MGLL: variants seen among roughly 807,000 people sequenced by gnomAD.
The protein encoded by MGLL is lysophospholipase homolog.
MGLL carries 7 observed loss-of-function variants against 29.1 expected under a neutral mutation model. That is an observed-to-expected ratio of 0.24 (90% CI 0.14 to 0.45). The LOEUF (loss-of-function observed/expected upper bound fraction) is 0.45. MGLL is among the 20% of genes least tolerant of loss of function. The probability of loss-of-function intolerance (pLI) is 0.99; values close to 1 mark genes in which losing one functional copy is unlikely to be tolerated. For missense variants in MGLL, 356 were observed against 413.6 expected (o/e 0.86, Z 1.21); for synonymous variants, 148 against 168.3 (o/e 0.88, Z 0.93).
chr3:127,790,484 G>A (rs904508178), intron 2 of MGLL, among the ~76,000 whole-genome samples: 6 of 152,196 alleles, frequency 3.9e-5, no homozygotes, highest in African/African-American at 9.7e-5. Context: ...ATTGCCTGTC[G>A]TGGACGATTT....
At chr3:127,797,382 G>C (rs1051469888) in intron 2 of MGLL, among the ~76,000 whole-genome samples, 6 of 151,878 alleles carry the variant, frequency 4.0e-5, no homozygotes, top group African/African-American at 1.5e-4. Context: ...TATTCCCCTC[G>C]ACCTGTCAAG....
intron 3 of MGLL, among the ~76,000 whole-genome samples, chr3:127,729,593 T>C (rs1351927411): frequency 1.3e-5 from 2 of 152,218 alleles, no homozygotes; most frequent in African/African-American, 4.8e-5. Context: ...AGTTCCAAAA[T>C]GTAGATGGTT....
At chr3:127,798,712 T>C (rs1559977696) in intron 2 of MGLL, among the ~76,000 whole-genome samples, 1 of 152,302 alleles carries the variant, frequency 6.6e-6, no homozygotes, top group East Asian at 1.9e-4. Context: ...AAATCACTGA[T>C]GTCTCTGCAC....
At chr3:127,738,194 G>A (rs935588086) in intron 3 of MGLL, among the ~76,000 whole-genome samples, 1 of 151,782 alleles carries the variant, frequency 6.6e-6, no homozygotes, top group South Asian at 2.1e-4. Flanking sequence ...CCAGCTATTC[G>A]GGAAGCTGAG....
chr3:127,796,488 A>G (rs1013151557), intron 2 of MGLL, among the ~76,000 whole-genome samples: 5 of 152,232 alleles, frequency 3.3e-5, no homozygotes, highest in African/African-American at 4.8e-5. Context: ...AGGGTTGCCA[A>G]AATCAGTCTG....
chr3:127,713,957 G>A (rs2075767704), intron 5 of MGLL: 1 of 152,336 alleles, frequency 6.6e-6, no homozygotes, highest in Non-Finnish European at 1.5e-5. Context: ...GAGAGCCAGA[G>A]AGAGAGCCTG....
At chr3:127,809,876 T>C (rs954249955) in intron 2 of MGLL, among the ~76,000 whole-genome samples, 2 of 152,174 alleles carry the variant, frequency 1.3e-5, no homozygotes, top group Non-Finnish European at 2.9e-5. Flanking sequence ...AGCAACTTCA[T>C]GCAGGCTGGG....
Position 127,690,433 on chromosome 3 carries a change from GT to G in MGLL, c.*1764del, listed in dbSNP as rs1021595609. 1.3e-5 allele frequency: 2 copies of G among 152,284 alleles called. No individual in the cohort carries two copies. Among genetic ancestry groups the G allele is most frequent in the Non-Finnish European group, 1.5e-5 (1 of 68,100 alleles). 9.4% of individuals were successfully genotyped at this position (152,284 alleles called of 1,614,324 possible). A position where few individuals can be genotyped will look rare whatever the true frequency, so the allele number is the denominator to read the frequency against. Reference sequence around the variant, plus strand: ...AGAGTGATCTTCAGCAGGGTGACCCGTTCCTGGCTCTCATGGTGTGATCAGG... The same window carrying G: ...AGAGTGATCTTCAGCAGGGTGACCCGTCCTGGCTCTCATGGTGTGATCAGG... On this transcript the variant is annotated 3_prime_UTR_variant, in exon 8 of 8. Transcript: ENST00000265052.
intron 2 of MGLL, among the ~76,000 whole-genome samples, chr3:127,803,508 A>G (rs1399142907): frequency 6.6e-6 from 1 of 152,226 alleles, no homozygotes; most frequent in African/African-American, 2.4e-5. Context: ...CTGTACAGGC[A>G]TGTTCCATAG....
intron 7 of MGLL, among the ~76,000 whole-genome samples, chr3:127,693,340 G>A (rs2075283879): frequency 6.6e-6 from 1 of 152,112 alleles, no homozygotes; most frequent in Non-Finnish European, 1.5e-5. Flanking sequence ...GGCCACGGGG[G>A]GATGCTTTTA....
chr3:127,718,876 A>G (rs1176038441), intron 5 of MGLL, among the ~76,000 whole-genome samples: 1 of 152,214 alleles, frequency 6.6e-6, no homozygotes, highest in African/African-American at 2.4e-5. Flanking sequence ...TGAGACTTTC[A>G]GGAAGGTTGT....
At chr3:127,727,414 T>C (rs970227022) in intron 3 of MGLL, among the ~76,000 whole-genome samples, 2 of 152,106 alleles carry the variant, frequency 1.3e-5, no homozygotes, top group Admixed American at 6.5e-5. Context: ...TATTTTCAAC[T>C]ATAAATCAAT....
chr3:127,697,437 G>C (rs1057514132), intron 6 of MGLL, among the ~76,000 whole-genome samples: 6 of 152,176 alleles, frequency 3.9e-5, no homozygotes, highest in African/African-American at 1.4e-4. Context: ...CCCTGTATGA[G>C]GAATTGCTCT....
At chr3:127,808,343 TC>T (rs1401425057) in intron 2 of MGLL, among the ~76,000 whole-genome samples, 20 of 152,264 alleles carry the variant, frequency 1.3e-4, no homozygotes, top group East Asian at 7.7e-4. Context: ...TGGTCAGACT[TC>T]CCCCTTGCAG....
intron 3 of MGLL, among the ~76,000 whole-genome samples, chr3:127,729,610 C>T (rs1245054075): frequency 3.9e-5 from 6 of 152,174 alleles, no homozygotes; most frequent in Admixed American, 3.3e-4. Context: ...GGTTTGTAAT[C>T]GTCTCAGCAG....
intron 6 of MGLL, among the ~76,000 whole-genome samples, chr3:127,696,043 C>T (rs1450700456): frequency 2.0e-5 from 3 of 152,168 alleles, no homozygotes; most frequent in Admixed American, 6.5e-5. Flanking sequence ...GGGTGAGGGA[C>T]GCCCAAGGGT....
At chr3:127,696,204 C>T (rs13086586) in intron 6 of MGLL, among the ~76,000 whole-genome samples, 36,155 of 151,984 alleles carry the variant, frequency 0.24, 4,691 homozygotes, top group Middle Eastern at 0.48. Flanking sequence ...TCTTGCCTTT[C>T]AAGGGGCTGC....
intron 2 of MGLL, among the ~76,000 whole-genome samples, chr3:127,792,004 G>A (rs2077307956): frequency 6.6e-6 from 1 of 152,172 alleles, no homozygotes; most frequent in South Asian, 2.1e-4. Flanking sequence ...GTAGGCAGAG[G>A]TTGCAGTGAA....
chr3:127,757,233 C>T (rs1005144015), intron 3 of MGLL, among the ~76,000 whole-genome samples: 3 of 152,154 alleles, frequency 2.0e-5, no homozygotes, highest in African/African-American at 7.2e-5. Flanking sequence ...CCCAGCCAAG[C>T]CCAGCCTAAA....
Sources: gnomAD v4.1 joint callset for allele counts (sites outside exome capture counted in the v4.1 genomes callset) on GRCh38, gnomAD v4.1.1 for gene constraint, MANE v1.5 for transcripts, NCBI Gene and HGNC (gene_info 2026-07-23, HGNC 2026-07-21) for gene names.